Variants in C12orf42 observed in about 807,000 individuals in gnomAD.
C12orf42 encodes the protein chromosome 12 open reading frame 42, also known as uncharacterized protein C12orf42.
A neutral mutation model predicts 21.6 loss-of-function variants in C12orf42; 25 were observed. That is an observed-to-expected ratio of 1.16 (90% CI 0.84 to 1.62). The LOEUF (loss-of-function observed/expected upper bound fraction) is 1.62, where lower values mean the gene tolerates loss of function less well. C12orf42 is among the 40% of genes most tolerant of loss of function. The pLI is 0.00. For synonymous variants in C12orf42, 174 were observed against 175.0 expected (o/e 0.99, Z 0.05); for missense variants, 483 against 459.3 (o/e 1.05, Z -0.47).
the C12orf42 span, among the ~76,000 whole-genome samples, chr12:103,158,391 C>G: frequency 1.3e-5 from 2 of 152,164 alleles, no homozygotes; most frequent in African/African-American, 2.4e-5. Context: ...GACCACTCAG[C>G]ACTGTAGAGA....
the C12orf42 span, among the ~76,000 whole-genome samples, chr12:103,055,384 G>A: frequency 6.6e-6 from 1 of 151,776 alleles, no homozygotes; most frequent in Non-Finnish European, 1.5e-5. Context: ...TCCTTTTGAT[G>A]TCTGAAGGGT....
the C12orf42 span, among the ~76,000 whole-genome samples, chr12:103,204,280 TAA>T: frequency 6.6e-6 from 1 of 152,176 alleles, no homozygotes; most frequent in African/African-American, 2.4e-5. Flanking sequence ...TCAACTTCTT[TAA>T]AAAATCCCAT....
At chr12:103,457,879 A>C (rs541440392) in intron 2 of C12orf42, among the ~76,000 whole-genome samples, 11 of 152,298 alleles carry the variant, frequency 7.2e-5, no homozygotes, top group African/African-American at 1.9e-4. Flanking sequence ...TGGACTAAAA[A>C]ATGTGGCCAT....
chr12:103,504,577 A>T, the C12orf42 span: 1 of 152,884 alleles, frequency 6.5e-6, no homozygotes, highest in East Asian at 1.9e-4. Context: ...CACCCCACAC[A>T]GGATCCAGTT....
intron 4 of C12orf42, among the ~76,000 whole-genome samples, chr12:103,289,305 T>A (rs1190903816): frequency 1.3e-5 from 2 of 152,106 alleles, no homozygotes; most frequent in African/African-American, 4.8e-5. Flanking sequence ...CATTTTTGTT[T>A]TGGACCAAAT....
chr12:103,062,316 A>G, the C12orf42 span, among the ~76,000 whole-genome samples: 1 of 151,580 alleles, frequency 6.6e-6, no homozygotes, highest in Non-Finnish European at 1.5e-5. Context: ...TAGCATTTTT[A>G]AAATTTTGCT....
At chr12:103,340,734 A>G (rs1051519064) in intron 4 of C12orf42, among the ~76,000 whole-genome samples, 3 of 152,372 alleles carry the variant, frequency 2.0e-5, no homozygotes, top group South Asian at 4.1e-4. Context: ...TTGAGGATCT[A>G]GAGATGGACA....
the C12orf42 span, among the ~76,000 whole-genome samples, chr12:103,548,109 C>T: frequency 6.6e-6 from 1 of 152,176 alleles, no homozygotes. Flanking sequence ...CTGGGGCCTG[C>T]GTCAGGGGTC....
intron 1 of C12orf42, among the ~76,000 whole-genome samples, chr12:103,492,922 C>A (rs1955272876): frequency 6.6e-6 from 1 of 152,222 alleles, no homozygotes; most frequent in South Asian, 2.1e-4. Flanking sequence ...CTCTTCACCC[C>A]ACGCAAGCAA....
chr12:103,127,453 G>A, the C12orf42 span, among the ~76,000 whole-genome samples: 1 of 152,046 alleles, frequency 6.6e-6, no homozygotes, highest in Non-Finnish European at 1.5e-5. Flanking sequence ...TTACATATAA[G>A]AGTATATTGC....
intron 2 of C12orf42, among the ~76,000 whole-genome samples, chr12:103,431,475 T>C (rs1950261171): frequency 6.6e-6 from 1 of 152,200 alleles, no homozygotes; most frequent in African/African-American, 2.4e-5. Flanking sequence ...TGGGTTCAAA[T>C]CCTGCATCCT....
At chr12:103,194,170 A>T in the C12orf42 span, among the ~76,000 whole-genome samples, 2 of 152,052 alleles carry the variant, frequency 1.3e-5, no homozygotes, top group African/African-American at 4.8e-5. Context: ...GAAGAAACTT[A>T]CCTCGACACA....
At chr12:103,198,103 G>A in the C12orf42 span, among the ~76,000 whole-genome samples, 1 of 152,220 alleles carries the variant, frequency 6.6e-6, no homozygotes, top group Non-Finnish European at 1.5e-5. Flanking sequence ...ACAGAAGCAG[G>A]CAGTGACAGT....
chr12:103,542,194 A>G, the C12orf42 span, among the ~76,000 whole-genome samples: 14 of 152,344 alleles, frequency 9.2e-5, no homozygotes, highest in African/African-American at 3.4e-4. Context: ...AATAAGCTGG[A>G]CCTGACTATA....
chr12:103,508,035 A>G, the C12orf42 span, among the ~76,000 whole-genome samples: 1 of 152,150 alleles, frequency 6.6e-6, no homozygotes, highest in African/African-American at 2.4e-5. Context: ...ACTTGGGCAA[A>G]TCATTCATTT....
chr12:103,387,951 C>A (rs1342737771), intron 3 of C12orf42, among the ~76,000 whole-genome samples: 1 of 152,174 alleles, frequency 6.6e-6, no homozygotes, highest in Non-Finnish European at 1.5e-5. Flanking sequence ...TAATCCAACT[C>A]AACTTGCAGT....
chr12:103,422,248 G>A (rs974078482), intron 2 of C12orf42, among the ~76,000 whole-genome samples: 9 of 152,198 alleles, frequency 5.9e-5, no homozygotes, highest in African/African-American at 2.2e-4. Flanking sequence ...GCTAATCAAG[G>A]AGGAGATTTG....
the C12orf42 span, among the ~76,000 whole-genome samples, chr12:103,535,497 G>A: frequency 2.6e-5 from 4 of 151,908 alleles, no homozygotes; most frequent in Non-Finnish European, 5.9e-5. Context: ...GGCTACAGAG[G>A]TTGGTAGATC....
At chr12:103,184,585 A>T in the C12orf42 span, among the ~76,000 whole-genome samples, 1 of 152,088 alleles carries the variant, frequency 6.6e-6, no homozygotes, top group Non-Finnish European at 1.5e-5. Context: ...TGCTCTGTAT[A>T]TGAGAAACAA....
Sources: gnomAD v4.1 joint callset for allele counts (sites outside exome capture counted in the v4.1 genomes callset) on GRCh38, gnomAD v4.1.1 for gene constraint, MANE v1.5 for transcripts, NCBI Gene and HGNC (gene_info 2026-07-23, HGNC 2026-07-21) for gene names.